Variants in RGPD4 observed in about 807,000 individuals in gnomAD.
The protein encoded by RGPD4 is ranBP2-like and GRIP domain-containing protein 4.
In RGPD4, 84 loss-of-function variants were observed where a neutral mutation model predicts 141.1. That is an observed-to-expected ratio of 0.60 (90% CI 0.50 to 0.71). RGPD4 has a LOEUF of 0.71. RGPD4 is among the 30% of genes least tolerant of loss of function. The probability of loss-of-function intolerance (pLI) is 0.00; values close to 1 mark genes in which losing one functional copy is unlikely to be tolerated. For synonymous variants in RGPD4, 298 were observed against 566.8 expected (o/e 0.53, Z 6.74); for missense variants, 918 against 1,622.4 (o/e 0.57, Z 7.46).
At chr2:107,884,936 T>C (rs1328665682) in intron 22 of RGPD4, among the ~76,000 whole-genome samples, 3 of 151,394 alleles carry the variant, frequency 2.0e-5, no homozygotes, top group South Asian at 2.1e-4. Flanking sequence ...TTAATTTTTT[T>C]TACAGACATA....
chr2:107,857,505 T>C (rs1218678538), intron 9 of RGPD4, among the ~76,000 whole-genome samples: 1 of 150,216 alleles, frequency 6.7e-6, no homozygotes, highest in Admixed American at 6.6e-5. Context: ...TGATCGTAGG[T>C]CACTGCTGCC....
At chr2:107,827,136 G>A (rs1357555354) in intron 1 of RGPD4, 51 bp downstream of exon 1, 5 of 570,322 alleles carry the variant, frequency 8.8e-6, no homozygotes, top group African/African-American at 3.3e-5. Context: ...GGGCGGCGGA[G>A]GCCTCGACCT....
chr2:107,854,805 A>G (rs1682250573), intron 8 of RGPD4, among the ~76,000 whole-genome samples, 162 bp downstream of exon 8: 1 of 151,990 alleles, frequency 6.6e-6, no homozygotes, highest in South Asian at 2.1e-4. Flanking sequence ...ATGCGAAGAA[A>G]TAGCACATTC....
At chr2:107,846,678 G>T (rs1681960162) in intron 6 of RGPD4, among the ~76,000 whole-genome samples, 1 of 148,460 alleles carries the variant, frequency 6.7e-6, no homozygotes, top group Non-Finnish European at 1.5e-5. Context: ...ATGTTGGCTA[G>T]GCTGGTCTTG....
chr2:107,877,695 T>A (rs1364703037), intron 20 of RGPD4, among the ~76,000 whole-genome samples: 2 of 151,558 alleles, frequency 1.3e-5, no homozygotes, highest in Non-Finnish European at 2.9e-5. Flanking sequence ...TAATAAAAAA[T>A]AAGTAGTACT....
rs570611269 is a variant in RGPD4, at chr2:107,888,991, G to A, written c.5267-1730G>A. Among the ~76,000 whole-genome samples, 20 of 136,424 alleles carry A rather than the reference G, an allele frequency of 1.5e-4. 1 individual carries two copies. The East Asian group carries it at 1.6e-3, about 11-fold the overall frequency. The allele number at this position is 136,424 out of a possible 152,430, so 89.5% of individuals were successfully genotyped here. A position where few individuals can be genotyped will look rare whatever the true frequency, so the allele number is the denominator to read the frequency against. ...TACTAAGTTTGTAGTAATTTGTTAC[G>A]CAGCAGATTGTAAATAACACGCAGA... On this transcript the variant is annotated intron_variant, in intron 22 of 22. Coordinates refer to ENST00000408999, the MANE Select transcript of RGPD4 (RefSeq NM_182588.3).
intron 22 of RGPD4, among the ~76,000 whole-genome samples, chr2:107,883,876 TAAC>T: frequency 1.3e-5 from 2 of 152,300 alleles, no homozygotes; most frequent in Middle Eastern, 3.4e-3. Flanking sequence ...CACCCATCTC[TAAC>T]AGTTTTCAAC....
At chr2:107,884,379 T>C (rs1235611953) in intron 22 of RGPD4, among the ~76,000 whole-genome samples, 3 of 152,182 alleles carry the variant, frequency 2.0e-5, no homozygotes, top group Non-Finnish European at 4.4e-5. Flanking sequence ...GGATTACAGG[T>C]GTGAGACACC....
At chr2:107,831,572 CTTTTTT>C (rs1166609493) in intron 1 of RGPD4, among the ~76,000 whole-genome samples, 3 of 108,830 alleles carry the variant, frequency 2.8e-5, no homozygotes, top group Admixed American at 9.3e-5. Context: ...CTTTTCTTTT[CTTTTTT>C]TTTTTTTTTT....
chr2:107,838,644 C>A (rs1260172029), intron 3 of RGPD4, among the ~76,000 whole-genome samples, 168 bp from the exon 4 acceptor site: 1 of 73,112 alleles, frequency 1.4e-5, no homozygotes, highest in African/African-American at 5.7e-5. Flanking sequence ...AATTCCAAGA[C>A]ACTTTTATTT....
chr2:107,878,327 C>T (rs550736084), intron 20 of RGPD4, among the ~76,000 whole-genome samples: 12 of 151,310 alleles, frequency 7.9e-5, no homozygotes, highest in African/African-American at 1.7e-4. Context: ...GAAGAACCTT[C>T]GAGAAAGGAG....
At chr2:107,849,286 C>G (rs1368792066) in intron 7 of RGPD4, among the ~76,000 whole-genome samples, 2 of 110,102 alleles carry the variant, frequency 1.8e-5, no homozygotes, top group East Asian at 4.6e-4. Flanking sequence ...AATCTCTTGA[C>G]CTCGTGATCT....
chr2:107,854,730 A>C lies in RGPD4; in HGVS notation c.1066+87A>C. The C allele has an allele frequency of 2.6e-6, 4 of 1,559,390 alleles. 1 individual carries two copies. Among genetic ancestry groups the C allele is most frequent in the Non-Finnish European group, 3.5e-6 (4 of 1,155,512 alleles). On this transcript the variant is annotated intron_variant, in intron 8 of 22. Transcript: ENST00000408999. ...CTTATGATAAAATCTCCATCTGTCC[A>C]GGAGATAATTTGTCAAAATTATTTC... is the stretch of plus-strand genomic sequence containing the variant.
At chr2:107,834,440 A>G (rs977903878) in intron 1 of RGPD4, among the ~76,000 whole-genome samples, 6 of 151,968 alleles carry the variant, frequency 3.9e-5, no homozygotes, top group African/African-American at 1.2e-4. Flanking sequence ...TCTGAATAAC[A>G]TGATAAAAAT....
rs527952289 is a variant in RGPD4 at position 107,857,888 on chromosome 2, C to T, written c.1276+919C>T. ...GTGCCTGTAGTCCCTACTCAGGAGG[C>T]TGAGGCAGGAGAATCGCTTCAACCT... On this transcript the variant is annotated intron_variant, in intron 9 of 22. Coordinates refer to ENST00000408999, the MANE Select transcript of RGPD4 (RefSeq NM_182588.3). 2.9e-3 allele frequency among the ~76,000 whole-genome samples: 436 copies of T among 152,048 alleles called. 2 individuals carry two copies. The highest frequency in any genetic ancestry group is 5.2e-3 in the Non-Finnish European group (353 of 68,032).
chr2:107,859,743 G>T lies in RGPD4; in HGVS notation c.1656G>T (p.Leu552Phe). ...RKAVPGNSAK[L>F]RLLVQHEINT... ...TTAGACCTGGAAACTCAGCAAAATT[G>T]AGACTTTTAGTTCAGCATGAAATAA... Residue 552 changes from leucine to phenylalanine, a missense_variant, in exon 12 of 23, where the codon TTG (leucine) becomes TTT (phenylalanine). Physicochemically the swap from Leu to Phe is conservative, Grantham distance 22. Coordinates refer to ENST00000408999, the MANE Select transcript of RGPD4 (RefSeq NM_182588.3). 1 of 1,611,170 alleles carries T rather than the reference G, an allele frequency of 6.2e-7. No individual in the cohort carries two copies. Among genetic ancestry groups the T allele is most frequent in the South Asian group, 1.1e-5 (1 of 90,964 alleles).
chr2:107,857,822 T>C (rs1682379362), intron 9 of RGPD4, among the ~76,000 whole-genome samples: 1 of 150,978 alleles, frequency 6.6e-6, no homozygotes, highest in South Asian at 2.1e-4. Flanking sequence ...TGAAACCCCG[T>C]CTCTACTAAA....
chr2:107,885,054 A>G (rs1189324748), intron 22 of RGPD4, among the ~76,000 whole-genome samples: 2 of 152,224 alleles, frequency 1.3e-5, no homozygotes, highest in African/African-American at 4.8e-5. Flanking sequence ...TCTTCAAACT[A>G]CAGGATAGGT....
intron 1 of RGPD4, among the ~76,000 whole-genome samples, chr2:107,830,134 C>G (rs1390889505): frequency 1.3e-5 from 2 of 151,962 alleles, no homozygotes; most frequent in East Asian, 1.9e-4. Flanking sequence ...TCACCTCCCT[C>G]GCCCCCATCC....
Sources: allele counts gnomAD v4.1 joint callset (sites outside exome capture counted in the v4.1 genomes callset), GRCh38; gene constraint gnomAD v4.1.1; transcripts MANE v1.5; gene names NCBI Gene and HGNC (gene_info 2026-07-23, HGNC 2026-07-21).